The following SCHIP1 variants were observed in gnomAD, a reference collection of about 807,000 sequenced individuals.
SCHIP1 encodes schwannomin interacting protein 1, also known as schwannomin-interacting protein 1.
Under a neutral mutation model 29.7 loss-of-function variants are expected in SCHIP1, and 8 were observed. The observed-to-expected ratio is 0.27, with a 90% CI of 0.16 to 0.49. The LOEUF (loss-of-function observed/expected upper bound fraction) is 0.49, where lower values mean the gene tolerates loss of function less well. Among genes scored for constraint, SCHIP1 ranks in the 20% least tolerant of loss-of-function variants. The probability of loss-of-function intolerance (pLI) is 0.99; values close to 1 mark genes in which losing one functional copy is unlikely to be tolerated. For missense variants in SCHIP1, 193 were observed against 294.6 expected (o/e 0.66, Z 2.52); for synonymous variants, 76 against 94.9 (o/e 0.80, Z 1.16).
intron 1 of SCHIP1, among the ~76,000 whole-genome samples, chr3:159,850,877 A>C (rs1360624103): frequency 6.6e-6 from 1 of 152,218 alleles, no homozygotes; most frequent in Non-Finnish European, 1.5e-5. Context: ...CCTACCTCCA[A>C]CATTGGTGAT....
At chr3:159,862,253 T>C (rs754568347) in intron 1 of SCHIP1, among the ~76,000 whole-genome samples, 2 of 152,188 alleles carry the variant, frequency 1.3e-5, no homozygotes, top group Non-Finnish European at 2.9e-5. Context: ...ATTATTAGTC[T>C]GAACACCTTA....
At chr3:159,287,807 G>T in the SCHIP1 span, among the ~76,000 whole-genome samples, 1 of 152,176 alleles carries the variant, frequency 6.6e-6, no homozygotes, top group African/African-American at 2.4e-5. Flanking sequence ...AGCCAGCTCA[G>T]CATGCTGGAT....
At chr3:159,864,470 TACACACACACACACACACACAC>T (rs58371525) in intron 1 of SCHIP1, among the ~76,000 whole-genome samples, 2 of 139,932 alleles carry the variant, frequency 1.4e-5, no homozygotes, top group South Asian at 2.4e-4. Flanking sequence ...ATGGCTGTAC[TACACACACACACACACACACAC>T]ACACACACAC....
chr3:159,704,456 G>C, the SCHIP1 span, among the ~76,000 whole-genome samples: 1 of 137,798 alleles, frequency 7.3e-6, no homozygotes, highest in South Asian at 2.4e-4. Flanking sequence ...TGCACTAGAA[G>C]TTTAGTCCAT....
chr3:159,721,410 G>A, the SCHIP1 span: 1 of 152,242 alleles, frequency 6.6e-6, no homozygotes, highest in Non-Finnish European at 1.5e-5. Flanking sequence ...AAGAAAGTCT[G>A]TTTTTGGAAC....
chr3:159,596,586 T>C, the SCHIP1 span, among the ~76,000 whole-genome samples: 1 of 152,148 alleles, frequency 6.6e-6, no homozygotes, highest in East Asian at 1.9e-4. Flanking sequence ...TAAGAAAATG[T>C]GGCAAATATG....
chr3:159,856,554 A>G (rs973468072), intron 1 of SCHIP1, among the ~76,000 whole-genome samples: 2 of 152,216 alleles, frequency 1.3e-5, no homozygotes, highest in Admixed American at 6.5e-5. Context: ...ACTGGCTCCA[A>G]CTTTGTTCCA....
the SCHIP1 span, among the ~76,000 whole-genome samples, chr3:159,650,414 A>T: frequency 1.3e-5 from 2 of 152,182 alleles, no homozygotes; most frequent in African/African-American, 4.8e-5. Flanking sequence ...TTACGTATTC[A>T]CAAAATTTAT....
At chr3:159,402,146 A>G in the SCHIP1 span, among the ~76,000 whole-genome samples, 185 of 152,364 alleles carry the variant, frequency 1.2e-3, 2 homozygotes, top group South Asian at 0.03. Flanking sequence ...TTCTCAAAAG[A>G]AGACATTTAT....
the SCHIP1 span, among the ~76,000 whole-genome samples, chr3:159,485,053 C>T: frequency 9.2e-5 from 14 of 152,176 alleles, no homozygotes; most frequent in Non-Finnish European, 1.5e-4. Context: ...GACTTTTCTA[C>T]TTTTCTCTTG....
intron 1 of SCHIP1, among the ~76,000 whole-genome samples, chr3:159,843,112 A>G (rs1183366732): frequency 2.7e-5 from 4 of 146,926 alleles, no homozygotes; most frequent in Non-Finnish European, 5.9e-5. Flanking sequence ...TGCTGAGTTC[A>G]AGCAATTCTC....
the SCHIP1 span, among the ~76,000 whole-genome samples, chr3:159,744,402 A>G: frequency 6.6e-6 from 1 of 152,226 alleles, no homozygotes; most frequent in African/African-American, 2.4e-5. Flanking sequence ...AGACAGAATC[A>G]ATCTCTTTCT....
chr3:159,747,076 T>C, the SCHIP1 span, among the ~76,000 whole-genome samples: 1 of 152,194 alleles, frequency 6.6e-6, no homozygotes, highest in Non-Finnish European at 1.5e-5. Flanking sequence ...CTCTTTCAGC[T>C]CTCTCTCCCC....
At chr3:159,859,335 A>G (rs1713763564) in intron 1 of SCHIP1, among the ~76,000 whole-genome samples, 2 of 152,236 alleles carry the variant, frequency 1.3e-5, no homozygotes, top group South Asian at 4.1e-4. Context: ...GAAAATTAAT[A>G]ACATTTACAT....
At chr3:159,776,794 C>T in the SCHIP1 span, among the ~76,000 whole-genome samples, 1 of 152,130 alleles carries the variant, frequency 6.6e-6, no homozygotes, top group Non-Finnish European at 1.5e-5. Flanking sequence ...GTGCTGAAAG[C>T]CAAATTAAAG....
the SCHIP1 span, among the ~76,000 whole-genome samples, chr3:159,378,298 G>A: frequency 4.6e-5 from 7 of 152,134 alleles, no homozygotes; most frequent in Non-Finnish European, 8.8e-5. Context: ...CAGACAATCA[G>A]TTCCAGTCAC....
chr3:159,403,026 T>C, the SCHIP1 span, among the ~76,000 whole-genome samples: 1 of 152,128 alleles, frequency 6.6e-6, no homozygotes, highest in Non-Finnish European at 1.5e-5. Context: ...GCTAATATTG[T>C]ATCTAAACTA....
At chr3:159,689,036 C>A in the SCHIP1 span, among the ~76,000 whole-genome samples, 2 of 152,134 alleles carry the variant, frequency 1.3e-5, no homozygotes, top group Non-Finnish European at 2.9e-5. Flanking sequence ...TAACGTCATG[C>A]CTCCAGCTTT....
the SCHIP1 span, among the ~76,000 whole-genome samples, chr3:159,491,634 C>T: frequency 1.4e-4 from 22 of 152,258 alleles, no homozygotes; most frequent in Non-Finnish European, 2.1e-4. Context: ...GAGCCCACCA[C>T]AGCTCAAGGA....
Sources: gnomAD v4.1 joint callset for allele counts (sites outside exome capture counted in the v4.1 genomes callset) on GRCh38, gnomAD v4.1.1 for gene constraint, MANE v1.5 for transcripts, NCBI Gene and HGNC (gene_info 2026-07-23, HGNC 2026-07-21) for gene names.